HS3ST2: variants seen among roughly 807,000 people sequenced by gnomAD.
The protein encoded by HS3ST2 is heparan sulfate glucosamine 3-O-sulfotransferase 2.
Under a neutral mutation model 26.3 loss-of-function variants are expected in HS3ST2, and 17 were observed. The ratio of observed to expected loss-of-function variants is 0.65; its 90% CI spans 0.44 to 0.97. The LOEUF is 0.97. HS3ST2 is among the 50% of genes least tolerant of loss of function. The pLI is 0.00. For synonymous variants in HS3ST2, 237 were observed against 219.2 expected (o/e 1.08, Z -0.72); for missense variants, 402 against 501.2 (o/e 0.80, Z 1.89).
chr16:22,839,510 GACTCAAAAGCTGCTGC>G (rs760385130), intron 1 of HS3ST2, among the ~76,000 whole-genome samples: 21 of 151,990 alleles, frequency 1.4e-4, no homozygotes, highest in Non-Finnish European at 3.1e-4. Context: ...TTTTCTTCTT[GACTCAAAAGCTGCTGC>G]ACAGGTAACT....
Position 22,842,634 on chromosome 16 carries a change from C to T in HS3ST2, c.485+27539C>T, listed in dbSNP as rs534374549. ...GAGGATTCATGCCTTTTATCAATCC[C>T]GGAAAATTCTCAGCCATCATCTTTT... On this transcript the variant is annotated intron_variant, in intron 1 of 1. Transcript: ENST00000261374. Among the ~76,000 whole-genome samples the T allele has an allele frequency of 8.5e-5, 13 of 152,232 alleles. No individual in the cohort carries two copies. In the South Asian group the frequency reaches 1.0e-3, roughly 12 times the overall value.
intron 1 of HS3ST2, among the ~76,000 whole-genome samples, chr16:22,831,621 A>G (rs1901171481): frequency 6.6e-6 from 1 of 152,080 alleles, no homozygotes; most frequent in Non-Finnish European, 1.5e-5. Context: ...CTCAGTTTAA[A>G]TCACCGATGA....
intron 1 of HS3ST2, among the ~76,000 whole-genome samples, chr16:22,885,876 CT>C (rs942761119): frequency 6.6e-6 from 1 of 152,170 alleles, no homozygotes; most frequent in Non-Finnish European, 1.5e-5. Context: ...GACAAAATGC[CT>C]GGAGTCAGAG....
Position 22,820,845 on chromosome 16 carries a change from A to C in HS3ST2, c.485+5750A>C, listed in dbSNP as rs866929525. Among the ~76,000 whole-genome samples, 5 of 152,354 alleles carry C rather than the reference A, an allele frequency of 3.3e-5. No homozygotes were observed. In the South Asian group the frequency reaches 8.3e-4, roughly 25 times the overall value. On this transcript the variant is annotated intron_variant, in intron 1 of 1. Coordinates refer to ENST00000261374, the MANE Select transcript of HS3ST2 (RefSeq NM_006043.2). The stretch of plus-strand genomic sequence containing the variant: ...AGCCTGTTTTGGATGTTAACGTGTG[A>C]AAATACCACTGAAAGGTTCTAAGAA...
At chr16:22,890,056 T>C (rs1160735263) in intron 1 of HS3ST2, among the ~76,000 whole-genome samples, 1 of 152,248 alleles carries the variant, frequency 6.6e-6, no homozygotes, top group Non-Finnish European at 1.5e-5. Context: ...AAAACCCATG[T>C]ATCCTTCATG....
intron 1 of HS3ST2, among the ~76,000 whole-genome samples, chr16:22,882,278 A>G (rs766643697): frequency 3.9e-5 from 6 of 152,292 alleles, no homozygotes; most frequent in Admixed American, 1.3e-4. Context: ...GGGAGGGTCA[A>G]TTGAGCCTGG....
chr16:22,914,905 G>A (rs751821041), intron 1 of HS3ST2, 39 bp from the exon 2 acceptor site: 25 of 1,566,752 alleles, frequency 1.6e-5, no homozygotes, highest in Non-Finnish European at 2.1e-5. Context: ...CTGGCCCCAG[G>A]GAAACCTATT....
intron 1 of HS3ST2, among the ~76,000 whole-genome samples, chr16:22,832,351 A>G (rs995562679): frequency 5.3e-5 from 8 of 151,848 alleles, no homozygotes; most frequent in African/African-American, 1.9e-4. Flanking sequence ...TGATTATAGA[A>G]CTCAGCAGCT....
At chr16:22,873,287 A>C (rs1190788529) in intron 1 of HS3ST2, among the ~76,000 whole-genome samples, 1 of 152,208 alleles carries the variant, frequency 6.6e-6, no homozygotes, top group African/African-American at 2.4e-5. Flanking sequence ...TAGAAGCAGA[A>C]TCTATTTCAC....
At chr16:22,860,265 A>G (rs1567490132) in intron 1 of HS3ST2, among the ~76,000 whole-genome samples, 1 of 152,146 alleles carries the variant, frequency 6.6e-6, no homozygotes, top group Admixed American at 6.5e-5. Flanking sequence ...GGCGTCCGGC[A>G]AGAGAGAGAG....
intron 1 of HS3ST2, among the ~76,000 whole-genome samples, chr16:22,889,906 A>AT (rs1902107927): frequency 2.0e-5 from 3 of 152,310 alleles, no homozygotes; most frequent in South Asian, 4.1e-4. Context: ...TGACAAAAAT[A>AT]TTTTTTAAAA....
At chr16:22,837,511 G>A (rs959519365) in intron 1 of HS3ST2, among the ~76,000 whole-genome samples, 181 of 142,696 alleles carry the variant, frequency 1.3e-3, no homozygotes, top group African/African-American at 4.6e-3. Flanking sequence ...ATATATATGT[G>A]TATATATATA....
intron 1 of HS3ST2, among the ~76,000 whole-genome samples, chr16:22,870,192 C>T (rs1318820058): frequency 6.6e-6 from 1 of 152,100 alleles, no homozygotes; most frequent in Non-Finnish European, 1.5e-5. Flanking sequence ...CTCTGACTCG[C>T]TCATGCATAT....
intron 1 of HS3ST2, among the ~76,000 whole-genome samples, chr16:22,901,949 C>A: frequency 6.6e-6 from 1 of 152,040 alleles, no homozygotes; most frequent in East Asian, 1.9e-4. Context: ...AAAAATAAAT[C>A]CGAATGCAAA....
intron 1 of HS3ST2, among the ~76,000 whole-genome samples, chr16:22,861,074 A>G (rs1901667626): frequency 6.6e-6 from 1 of 152,056 alleles, no homozygotes; most frequent in Non-Finnish European, 1.5e-5. Context: ...ATAGGGCCTC[A>G]CTATGTTGCC....
chr16:22,847,574 GAT>G (rs1304526331), intron 1 of HS3ST2, among the ~76,000 whole-genome samples: 7 of 152,086 alleles, frequency 4.6e-5, no homozygotes, highest in African/African-American at 1.4e-4. Flanking sequence ...ATATCCATTA[GAT>G]ATATGTTTCC....
chr16:22,875,086 T>G (rs930519612), intron 1 of HS3ST2, among the ~76,000 whole-genome samples: 1 of 152,196 alleles, frequency 6.6e-6, no homozygotes, highest in Non-Finnish European at 1.5e-5. Context: ...TTGTTGATCC[T>G]GGCCCTGTGG....
intron 1 of HS3ST2, among the ~76,000 whole-genome samples, chr16:22,817,849 A>G (rs1900894122): frequency 6.6e-6 from 1 of 151,932 alleles, no homozygotes; most frequent in Non-Finnish European, 1.5e-5. Context: ...TGAAATCCAG[A>G]TAGTGGAAAA....
chr16:22,911,478 A>C (rs1031358163), intron 1 of HS3ST2, among the ~76,000 whole-genome samples: 4 of 152,216 alleles, frequency 2.6e-5, no homozygotes, highest in African/African-American at 9.6e-5. Context: ...GGTGGCTTAA[A>C]ACAACCAAAA....
Sources: gnomAD v4.1 joint callset for allele counts (sites outside exome capture counted in the v4.1 genomes callset) on GRCh38, gnomAD v4.1.1 for gene constraint, MANE v1.5 for transcripts, NCBI Gene and HGNC (gene_info 2026-07-23, HGNC 2026-07-21) for gene names.